The following WWTR1 variants were observed in gnomAD, a reference collection of about 807,000 sequenced individuals.
WWTR1 encodes the protein WW domain containing transcription regulator 1.
In WWTR1, 13 loss-of-function variants were observed where a neutral mutation model predicts 40.1. The ratio of observed to expected loss-of-function variants is 0.32; its 90% CI spans 0.21 to 0.52. The LOEUF is 0.52. WWTR1 is among the 20% of genes least tolerant of loss of function. The pLI is 0.97. For missense variants in WWTR1, 436 were observed against 523.1 expected (o/e 0.83, Z 1.63); for synonymous variants, 230 against 210.1 (o/e 1.09, Z -0.82).
At chr3:149,696,223 T>C (rs1714986872) in intron 1 of WWTR1, among the ~76,000 whole-genome samples, 1 of 151,728 alleles carries the variant, frequency 6.6e-6, no homozygotes, top group African/African-American at 2.4e-5. Flanking sequence ...GCAGGCCGAA[T>C]TTATCACCTT....
chr3:149,683,427 C>T (rs1195735345), intron 1 of WWTR1, among the ~76,000 whole-genome samples: 1 of 152,192 alleles, frequency 6.6e-6, no homozygotes. Context: ...GGTACAGGGG[C>T]TCATGCCTGT....
At chr3:149,595,593 ACT>A in intron 2 of WWTR1, among the ~76,000 whole-genome samples, 1 of 152,082 alleles carries the variant, frequency 6.6e-6, no homozygotes, top group South Asian at 2.1e-4. Context: ...TTACCCTATT[ACT>A]CTCTCCTTGC....
chr3:149,526,381 A>G (rs1735310818), intron 5 of WWTR1, among the ~76,000 whole-genome samples: 1 of 152,156 alleles, frequency 6.6e-6, no homozygotes, highest in Admixed American at 6.5e-5. Context: ...TCTTCAACAT[A>G]CAGAGTATGA....
chr3:149,680,537 C>G (rs575232739), intron 1 of WWTR1, among the ~76,000 whole-genome samples: 1 of 151,280 alleles, frequency 6.6e-6, no homozygotes, highest in African/African-American at 2.4e-5. Context: ...AAGTGAGACC[C>G]TGTCTCAAAA....
chr3:149,589,725 A>G (rs1295612384), intron 2 of WWTR1, among the ~76,000 whole-genome samples: 1 of 151,842 alleles, frequency 6.6e-6, no homozygotes, highest in East Asian at 1.9e-4. Context: ...CCAACTATGG[A>G]CTAAATGCAG....
chr3:149,620,197 T>C (rs909887565), intron 2 of WWTR1, among the ~76,000 whole-genome samples: 2 of 152,164 alleles, frequency 1.3e-5, no homozygotes, highest in African/African-American at 2.4e-5. Context: ...CTACACCAGA[T>C]TGCCTCCTCC....
chr3:149,568,030 T>C (rs534823336), intron 3 of WWTR1, among the ~76,000 whole-genome samples: 1 of 152,150 alleles, frequency 6.6e-6, no homozygotes, highest in South Asian at 2.1e-4. Context: ...TTCCCTCTTA[T>C]TCTCTTTTTT....
intron 3 of WWTR1, among the ~76,000 whole-genome samples, chr3:149,724,373 T>C (rs1715824126): frequency 6.6e-6 from 1 of 152,174 alleles, no homozygotes; most frequent in Non-Finnish European, 1.5e-5. Context: ...TGTGATTTTC[T>C]GCCTTCTCTC....
chr3:149,525,448 T>TAA (rs1024253522), intron 6 of WWTR1, among the ~76,000 whole-genome samples: 2 of 143,088 alleles, frequency 1.4e-5, no homozygotes, highest in Non-Finnish European at 3.1e-5. Context: ...AAAGATGAAT[T>TAA]AAAAAAAAAA....
chr3:149,544,588 A>T (rs1736282898), intron 3 of WWTR1, among the ~76,000 whole-genome samples: 1 of 152,158 alleles, frequency 6.6e-6, no homozygotes, highest in Non-Finnish European at 1.5e-5. Context: ...TAGGGACTGT[A>T]ACCCAGAAAG....
chr3:149,618,829 G>C (rs192315857), intron 2 of WWTR1, among the ~76,000 whole-genome samples: 2 of 152,272 alleles, frequency 1.3e-5, no homozygotes, highest in Admixed American at 1.3e-4. Flanking sequence ...TGAGAGGGCA[G>C]TGACACGACA....
intron 2 of WWTR1, among the ~76,000 whole-genome samples, chr3:149,599,500 A>T (rs1408438411): frequency 1.3e-5 from 2 of 152,240 alleles, no homozygotes; most frequent in Admixed American, 1.3e-4. Context: ...CGCAAGCAAA[A>T]CCTTTCCAAA....
intron 2 of WWTR1, among the ~76,000 whole-genome samples, chr3:149,586,579 T>A (rs1448321791): frequency 1.3e-5 from 2 of 152,220 alleles, no homozygotes; most frequent in Admixed American, 6.5e-5. Flanking sequence ...GGTCTTTGAC[T>A]TCGGCTCCTG....
chr3:149,663,004 A>C (rs544372840), upstream of WWTR1, among the ~76,000 whole-genome samples: 1 of 151,996 alleles, frequency 6.6e-6, no homozygotes, highest in Non-Finnish European at 1.5e-5. Flanking sequence ...CTCTTTCCAC[A>C]TGTAATCAAA....
At chr3:149,682,088 C>A (rs749485673) in intron 1 of WWTR1, among the ~76,000 whole-genome samples, 3 of 152,062 alleles carry the variant, frequency 2.0e-5, no homozygotes, top group Admixed American at 2.0e-4. Flanking sequence ...AAAAAAAGAT[C>A]AACTTTCTGA....
chr3:149,605,436 T>G (rs182703664), intron 2 of WWTR1, among the ~76,000 whole-genome samples: 3 of 152,170 alleles, frequency 2.0e-5, no homozygotes, highest in Admixed American at 1.3e-4. Flanking sequence ...CTGAGAGAAC[T>G]TGGAGGACTG....
intron 1 of WWTR1, among the ~76,000 whole-genome samples, chr3:149,675,493 G>A (rs4681542): frequency 0.37 from 56,162 of 151,842 alleles, 10,759 homozygotes; most frequent in Middle Eastern, 0.55. Flanking sequence ...CTTTGATCAT[G>A]TTTTTCAGCC....
rs748784098 is a variant in WWTR1 at position 149,542,406 on chromosome 3, T to TCTGCTG, written c.694_699dup (p.Gln232_Gln233dup). 6 of 1,613,688 alleles carry TCTGCTG rather than the reference T, an allele frequency of 3.7e-6. No individual in the cohort carries two copies. The highest frequency in any genetic ancestry group is 1.7e-5 in the Admixed American group (1 of 59,950). On this transcript the variant is annotated inframe_insertion, in exon 4 of 7. Transcript: ENST00000360632. ...ATCTGGATTCTCTGAAGCCGCAGTT[T>TCTGCTG]CTGCTGCTGCTGCTGCTGAGTGGTC...
intron 2 of WWTR1, among the ~76,000 whole-genome samples, chr3:149,583,568 C>T (rs1321857437): frequency 6.6e-6 from 1 of 152,212 alleles, no homozygotes; most frequent in African/African-American, 2.4e-5. Context: ...TTTGAATATA[C>T]AGTCCACTAG....
Sources: allele counts gnomAD v4.1 joint callset (sites outside exome capture counted in the v4.1 genomes callset), GRCh38; gene constraint gnomAD v4.1.1; transcripts MANE v1.5; gene names NCBI Gene and HGNC (gene_info 2026-07-23, HGNC 2026-07-21).